The following PTPN14 variants were observed in gnomAD, a reference collection of about 807,000 sequenced individuals.
PTPN14 encodes the protein tyrosine-protein phosphatase non-receptor type 14.
PTPN14 carries 53 observed loss-of-function variants against 126.8 expected under a neutral mutation model. The observed-to-expected ratio is 0.42, with a 90% confidence interval of 0.34 to 0.53. The LOEUF is 0.53. PTPN14 is among the 20% of genes least tolerant of loss of function. The pLI is 0.08. For synonymous variants in PTPN14, 630 were observed against 599.3 expected (o/e 1.05, Z -0.75); for missense variants, 1,257 against 1,552.9 (o/e 0.81, Z 3.20).
In PTPN14 at chr1:214,522,396, T is replaced by A. The variant is rs532476396; in HGVS notation, c.-155+28787A>T. Among the ~76,000 whole-genome samples the A allele has an allele frequency of 2.5e-3, 386 of 152,290 alleles. 2 individuals are homozygous for A. Among genetic ancestry groups the A allele is most frequent in the African/African-American group, 9.0e-3 (373 of 41,558 alleles). The stretch of plus-strand genomic sequence containing the variant: ...AAAGTAAGCTTTGATTAAATTAATA[T>A]CTTGTTTTCAAAAACAGTAACTTGC... On this transcript the variant is annotated intron_variant, in intron 1 of 18. Transcript: ENST00000366956.
chr1:214,547,359 C>T (rs554484539), intron 1 of PTPN14, among the ~76,000 whole-genome samples: 1 of 152,320 alleles, frequency 6.6e-6, no homozygotes, highest in South Asian at 2.1e-4. Flanking sequence ...CAATTCTTTG[C>T]CATCCTGTTT....
At chr1:214,430,972 G>A (rs753182132) in intron 3 of PTPN14, among the ~76,000 whole-genome samples, 3 of 152,208 alleles carry the variant, frequency 2.0e-5, no homozygotes, top group South Asian at 2.1e-4. Context: ...TAATTAATGT[G>A]TTGAATGAAT....
At chr1:214,456,130 T>G (rs1660377116) in intron 2 of PTPN14, among the ~76,000 whole-genome samples, 1 of 152,188 alleles carries the variant, frequency 6.6e-6, no homozygotes, top group African/African-American at 2.4e-5. Flanking sequence ...TAATGCTATT[T>G]GTAAGAGGTT....
At chr1:214,423,258 T>G (rs1457913557) in intron 3 of PTPN14, among the ~76,000 whole-genome samples, 2 of 152,040 alleles carry the variant, frequency 1.3e-5, no homozygotes, top group African/African-American at 4.8e-5. Flanking sequence ...CCCAGGAGTT[T>G]GGAGGCTGCG....
chr1:214,408,725 C>T (rs756326908), intron 5 of PTPN14, among the ~76,000 whole-genome samples: 1 of 152,106 alleles, frequency 6.6e-6, no homozygotes, highest in Admixed American at 6.5e-5. Context: ...GTGTATGAGA[C>T]AGGTGGTTAA....
At chr1:214,534,712 C>CAATAAATAAATAAATAAATAAATA (rs138500520) in intron 1 of PTPN14, among the ~76,000 whole-genome samples, 2,796 of 141,620 alleles carry the variant, frequency 0.02, 67 homozygotes, top group East Asian at 0.058. Context: ...GACTCCTTCT[C>CAATAAATAAATAAATAAATAAATA]AATAAATAAA....
chr1:214,463,477 A>G lies in PTPN14; in HGVS notation c.174+1153T>C, dbSNP rs1660558222. Among the ~76,000 whole-genome samples, 3 of 152,340 alleles carry G rather than the reference A, an allele frequency of 2.0e-5. No homozygotes were observed. The South Asian group carries it at 6.2e-4, about 32-fold the overall frequency. On this transcript the variant is annotated intron_variant, in intron 2 of 18. Coordinates refer to ENST00000366956, the MANE Select transcript of PTPN14 (RefSeq NM_005401.5). ...AAAGGAATACCTGATCACTGAAACC[A>G]AAGTATAAACACCAAGAACAGCAGG... is the stretch of plus-strand genomic sequence containing the variant.
chr1:214,414,055 T>C (rs574023788), intron 4 of PTPN14, among the ~76,000 whole-genome samples: 39 of 152,264 alleles, frequency 2.6e-4, no homozygotes, highest in Middle Eastern at 3.4e-3. Flanking sequence ...GTATAAAATA[T>C]ACATATAAAG....
rs144963080 is a variant in PTPN14 at position 214,396,416 on chromosome 1, T to C, written c.759-1430A>G. Reference sequence around the variant, plus strand: ...GCTGCACCCAGCTTGCTTCACAACCTACAGTTCTATCAGATTACATCTACG... The same window carrying C: ...GCTGCACCCAGCTTGCTTCACAACCCACAGTTCTATCAGATTACATCTACG... On this transcript the variant is annotated intron_variant, in intron 8 of 18. Transcript: ENST00000366956. 1.1e-3 allele frequency among the ~76,000 whole-genome samples: 168 copies of C among 152,346 alleles called. 1 individual carries two copies. The highest frequency in any genetic ancestry group is 3.9e-3 in the African/African-American group (163 of 41,590).
chr1:214,394,060 C>CAAAATACTTTCCGACTTTCAA (rs1237394122), intron 9 of PTPN14, among the ~76,000 whole-genome samples: 1 of 152,164 alleles, frequency 6.6e-6, no homozygotes, highest in Non-Finnish European at 1.5e-5. Flanking sequence ...AATTTCCGAC[C>CAAAATACTTTCCGACTTTCAA]AAGTGCTTTC....
In PTPN14 at chr1:214,354,075, T is replaced by G. The variant is rs1657761667; in HGVS notation, c.*3847A>C. On this transcript the variant is annotated 3_prime_UTR_variant, in exon 19 of 19. Coordinates refer to ENST00000366956, the MANE Select transcript of PTPN14 (RefSeq NM_005401.5). ...GAAAGAAAGCAGGATAAAGGTTAAG[T>G]AGGTGTAAGCCATGGTCAAGTCCTA... 1.3e-5 allele frequency: 2 copies of G among 152,196 alleles called. No homozygotes were observed. The highest frequency in any genetic ancestry group is 2.1e-4 in the South Asian group (1 of 4,826). The allele number at this position is 152,196 out of a possible 1,614,324, so 9.4% of individuals were successfully genotyped here.
Position 214,350,703 on chromosome 1 carries a change from GC to G in PTPN14, c.*7218del, listed in dbSNP as rs1657687085. The G allele has an allele frequency of 1.1e-5, 1 of 92,116 alleles. No homozygotes were observed. 5.7% of individuals were successfully genotyped at this position (92,116 alleles called of 1,614,324 possible). A position where few individuals can be genotyped will look rare whatever the true frequency, so the allele number is the denominator to read the frequency against. Reference sequence around the variant, plus strand: ...TTACAGGCATGTGCCACCATGCCTGGCTAATTTTTTTTTTTTTTTTTTTTTT... The same window carrying G: ...TTACAGGCATGTGCCACCATGCCTGGTAATTTTTTTTTTTTTTTTTTTTTT... On this transcript the variant is annotated 3_prime_UTR_variant, in exon 19 of 19. Coordinates refer to ENST00000366956, the MANE Select transcript of PTPN14 (RefSeq NM_005401.5).
At chr1:214,532,068 G>C (rs1655562840) in intron 1 of PTPN14, 1 of 165,194 alleles carries the variant, frequency 6.1e-6, no homozygotes, top group Non-Finnish European at 1.3e-5. Flanking sequence ...CTTGTATCAA[G>C]TATGTTTTGT....
intron 1 of PTPN14, among the ~76,000 whole-genome samples, chr1:214,473,590 CTA>C (rs1411063536): frequency 1.3e-5 from 2 of 152,164 alleles, no homozygotes; most frequent in Non-Finnish European, 2.9e-5. Flanking sequence ...TCTCACAGAG[CTA>C]TGTAATCTTG....
At chr1:214,459,469 TTTC>T (rs576922722) in intron 2 of PTPN14, among the ~76,000 whole-genome samples, 3 of 54,718 alleles carry the variant, frequency 5.5e-5, no homozygotes, top group East Asian at 4.9e-4. Context: ...CACTCTTTTC[TTTC>T]TTTTTTTTTT....
intron 1 of PTPN14, chr1:214,528,421 T>C (rs2102466034): frequency 6.6e-6 from 1 of 152,286 alleles, no homozygotes; most frequent in South Asian, 2.1e-4. Flanking sequence ...TAAGAATATG[T>C]GGCAACAGAG....
intron 1 of PTPN14, among the ~76,000 whole-genome samples, chr1:214,487,841 T>C (rs1661149678): frequency 6.6e-6 from 1 of 152,208 alleles, no homozygotes; most frequent in Non-Finnish European, 1.5e-5. Flanking sequence ...AAGAGGTAGA[T>C]GCTGTCCATA....
rs1658983096 is a variant in PTPN14, at chr1:214,400,202, A to G, written c.669+1483T>C. On this transcript the variant is annotated intron_variant, in intron 7 of 18. Coordinates refer to ENST00000366956, the MANE Select transcript of PTPN14 (RefSeq NM_005401.5). ...AGTCCTACTCACAGTCTTTCCCTGC[A>G]TATTTTCTTGTCTGCTTTTTCACTT... 2.6e-5 allele frequency among the ~76,000 whole-genome samples: 4 copies of G among 152,326 alleles called. No individual in the cohort carries two copies. The South Asian group carries it at 8.3e-4, about 32-fold the overall frequency.
intron 1 of PTPN14, among the ~76,000 whole-genome samples, chr1:214,515,307 TA>T (rs1280521356): frequency 6.6e-6 from 1 of 152,158 alleles, no homozygotes; most frequent in African/African-American, 2.4e-5. Flanking sequence ...ACTAGGCACT[TA>T]TTTTTTTTTT....
Sources: allele counts gnomAD v4.1 joint callset (sites outside exome capture counted in the v4.1 genomes callset), GRCh38; gene constraint gnomAD v4.1.1; transcripts MANE v1.5; gene names NCBI Gene and HGNC (gene_info 2026-07-23, HGNC 2026-07-21).